The following SLC39A10 variants were observed in gnomAD, a reference collection of about 807,000 sequenced individuals.
The protein encoded by SLC39A10 is zinc transporter ZIP10.
A neutral mutation model predicts 65.1 loss-of-function variants in SLC39A10; 13 were observed. The ratio of observed to expected loss-of-function variants is 0.20; its 90% confidence interval spans 0.13 to 0.32. The LOEUF (loss-of-function observed/expected upper bound fraction) is 0.32, where lower values mean the gene tolerates loss of function less well. Ranked by LOEUF, SLC39A10 falls within the 10% of genes least tolerant of loss-of-function variation. The pLI is 1.00. For missense variants in SLC39A10, 831 were observed against 1,018.4 expected (o/e 0.82, Z 2.50); for synonymous variants, 321 against 342.2 (o/e 0.94, Z 0.68).
intron 2 of SLC39A10, among the ~76,000 whole-genome samples, chr2:195,630,350 G>C (rs568114714): frequency 2.0e-5 from 3 of 152,166 alleles, no homozygotes; most frequent in Admixed American, 2.0e-4. Flanking sequence ...TGTAGGGTGA[G>C]GGATGGTGGA....
chr2:195,634,490 C>A (rs1688659149), intron 2 of SLC39A10, among the ~76,000 whole-genome samples: 1 of 152,110 alleles, frequency 6.6e-6, no homozygotes, highest in African/African-American at 2.4e-5. Context: ...AGCTACTGTG[C>A]CTTGTTAAAT....
intron 3 of SLC39A10, among the ~76,000 whole-genome samples, chr2:195,690,005 C>T (rs967811979): frequency 1.3e-5 from 2 of 151,800 alleles, no homozygotes; most frequent in African/African-American, 4.8e-5. Context: ...GGTGAAACCT[C>T]ATTTCTACTA....
intron 3 of SLC39A10, among the ~76,000 whole-genome samples, chr2:195,699,736 G>A (rs1345593003): frequency 2.6e-5 from 4 of 151,994 alleles, no homozygotes; most frequent in Non-Finnish European, 2.9e-5. Flanking sequence ...GTGCATTGAT[G>A]AATGTTTCTA....
intron 9 of SLC39A10, among the ~76,000 whole-genome samples, chr2:195,733,758 G>A (rs372571012): frequency 2.6e-5 from 4 of 151,970 alleles, no homozygotes; most frequent in African/African-American, 4.8e-5. Context: ...TCAAACTCCC[G>A]ACCTCAGTTG....
rs370073745 is a variant in SLC39A10, at chr2:195,717,020, A to C, written c.2065+15A>C. On this transcript the variant is annotated intron_variant, in intron 7 of 9. Coordinates refer to ENST00000359634, the MANE Select transcript of SLC39A10 (RefSeq NM_020342.3). ...GCTCGCAATTGGTAAGTGGACTGGA[A>C]ACCACTGTCTATGCTAATCTTATGG... 4.0e-5 allele frequency: 64 copies of C among 1,609,284 alleles called. No individual in the cohort carries two copies. The highest frequency in any genetic ancestry group is 1.0e-5 in the Non-Finnish European group (12 of 1,177,598).
intron 3 of SLC39A10, among the ~76,000 whole-genome samples, chr2:195,688,515 C>T (rs1477897470): frequency 2.6e-5 from 4 of 152,108 alleles, no homozygotes; most frequent in Admixed American, 1.3e-4. Context: ...AATGAACTAT[C>T]ATTTGAATTT....
chr2:195,625,733 A>G (rs146300467), intron 2 of SLC39A10, among the ~76,000 whole-genome samples: 25 of 152,344 alleles, frequency 1.6e-4, no homozygotes, highest in African/African-American at 5.8e-4. Flanking sequence ...ATCTTTGTTC[A>G]TTCCGGATTG....
intron 6 of SLC39A10, among the ~76,000 whole-genome samples, chr2:195,715,898 C>T (rs1363336244): frequency 6.6e-6 from 1 of 152,144 alleles, no homozygotes; most frequent in African/African-American, 2.4e-5. Context: ...GTGGTTATAC[C>T]AGCCAGTCAC....
At chr2:195,713,355 TTAA>T in intron 5 of SLC39A10, 75 bp from the exon 6 acceptor site, 1 of 1,196,972 alleles carries the variant, frequency 8.4e-7, no homozygotes, top group Non-Finnish European at 1.1e-6. Context: ...CCTGTAGGTG[TTAA>T]TGAGTCAATA....
chr2:195,665,188 G>A (rs563878646), intron 1 of SLC39A10, among the ~76,000 whole-genome samples: 3 of 152,190 alleles, frequency 2.0e-5, no homozygotes, highest in Non-Finnish European at 4.4e-5. Context: ...GTGGTAGCAG[G>A]TGCCTGTAAT....
chr2:195,655,657 G>C (rs1483062571), upstream of SLC39A10, among the ~76,000 whole-genome samples: 1 of 152,154 alleles, frequency 6.6e-6, no homozygotes, highest in Non-Finnish European at 1.5e-5. Context: ...CTCACATTTA[G>C]TGGCAATGGT....
upstream of SLC39A10, among the ~76,000 whole-genome samples, chr2:195,656,252 A>G (rs1269114256): frequency 6.6e-6 from 1 of 152,226 alleles, no homozygotes; most frequent in Non-Finnish European, 1.5e-5. Flanking sequence ...AGAGCCAGGA[A>G]GCAGAGTAAT....
intron 1 of SLC39A10, among the ~76,000 whole-genome samples, chr2:195,659,942 T>C (rs1689319174): frequency 6.6e-6 from 1 of 152,184 alleles, no homozygotes; most frequent in South Asian, 2.1e-4. Flanking sequence ...CTGTTGTTTT[T>C]GTTCTGTTAC....
At chr2:195,660,199 G>C (rs1689332765) in intron 1 of SLC39A10, among the ~76,000 whole-genome samples, 1 of 152,114 alleles carries the variant, frequency 6.6e-6, no homozygotes. Context: ...ATGTCAGCTT[G>C]TGTTTATATA....
chr2:195,662,698 GT>G (rs1218096838), intron 1 of SLC39A10, among the ~76,000 whole-genome samples: 1 of 151,768 alleles, frequency 6.6e-6, no homozygotes, highest in East Asian at 1.9e-4. Flanking sequence ...TAAAATAGTG[GT>G]TTCCCCTATA....
intron 3 of SLC39A10, among the ~76,000 whole-genome samples, chr2:195,690,660 G>A (rs1690705062): frequency 6.6e-6 from 1 of 152,042 alleles, no homozygotes. Flanking sequence ...TTGGCAATTT[G>A]TATATCTCCT....
chr2:195,614,693 G>A (rs1172113679), intron 2 of SLC39A10, among the ~76,000 whole-genome samples: 2 of 152,110 alleles, frequency 1.3e-5, no homozygotes, highest in Non-Finnish European at 2.9e-5. Flanking sequence ...CACAAACTGG[G>A]AAGCCTCAGT....
intron 3 of SLC39A10, among the ~76,000 whole-genome samples, chr2:195,702,472 C>T (rs193086875): frequency 6.6e-6 from 1 of 152,296 alleles, no homozygotes; most frequent in Non-Finnish European, 1.5e-5. Flanking sequence ...TGCAAGCCTT[C>T]AATAGACTAC....
chr2:195,627,107 A>G (rs903608312), intron 2 of SLC39A10, among the ~76,000 whole-genome samples: 12 of 152,338 alleles, frequency 7.9e-5, no homozygotes, highest in African/African-American at 2.9e-4. Context: ...ACTTTTCTGA[A>G]TTAAATGAAG....
Sources: allele counts gnomAD v4.1 joint callset (sites outside exome capture counted in the v4.1 genomes callset), GRCh38; gene constraint gnomAD v4.1.1; transcripts MANE v1.5; gene names NCBI Gene and HGNC (gene_info 2026-07-23, HGNC 2026-07-21).